Variants in GPC5 observed in about 807,000 individuals in gnomAD.
GPC5 encodes the protein glypican-5.
In GPC5, 47 loss-of-function variants were observed where a neutral mutation model predicts 53.9. That is an observed-to-expected ratio of 0.87 (90% CI 0.69 to 1.11). The LOEUF (loss-of-function observed/expected upper bound fraction) is 1.11, where lower values mean the gene tolerates loss of function less well. GPC5 is among the 50% of genes most tolerant of loss of function. The pLI is 0.00. For missense variants in GPC5, 748 were observed against 713.1 expected, an observed-to-expected ratio of 1.05 and a Z score of -0.56; for synonymous variants, 286 against 263.3, an observed-to-expected ratio of 1.09 and a Z score of -0.84.
chr13:91,421,482 T>A (rs1247947859), intron 1 of GPC5, among the ~76,000 whole-genome samples: 1 of 152,190 alleles, frequency 6.6e-6, no homozygotes, highest in Non-Finnish European at 1.5e-5. Context: ...CTTTTTTTCC[T>A]TCCTCATCCT....
chr13:91,881,099 C>A lies in GPC5; in HGVS notation c.1281-26838C>A, dbSNP rs185546599. Among the ~76,000 whole-genome samples, 634 of 151,916 alleles carry A rather than the reference C, an allele frequency of 4.2e-3. 3 individuals carry two copies. Among genetic ancestry groups the A allele is most frequent in the African/African-American group, 0.014 (599 of 41,434 alleles). On this transcript the variant is annotated intron_variant, in intron 5 of 7. Transcript: ENST00000377067. Reference sequence around the variant, plus strand: ...AGCCACTGCACCCGGCCTATAGTAACTTTTTTTTAATAGGTTGTGGTGGAC... The same window carrying A: ...AGCCACTGCACCCGGCCTATAGTAAATTTTTTTTAATAGGTTGTGGTGGAC...
At chr13:91,994,176 A>G (rs1594712034) in intron 6 of GPC5, among the ~76,000 whole-genome samples, 1 of 152,368 alleles carries the variant, frequency 6.6e-6, no homozygotes, top group East Asian at 1.9e-4. Context: ...CTCGAAGAGG[A>G]AAACTGCAAG....
At chr13:92,009,297 A>T (rs1462719599) in intron 6 of GPC5, among the ~76,000 whole-genome samples, 1 of 92,498 alleles carries the variant, frequency 1.1e-5, no homozygotes, top group South Asian at 5.1e-4. Flanking sequence ...TCAATATGGG[A>T]TGGATTTTGT....
At chr13:91,856,464 T>C (rs1369271528) in intron 5 of GPC5, among the ~76,000 whole-genome samples, 1 of 151,616 alleles carries the variant, frequency 6.6e-6, no homozygotes, top group Non-Finnish European at 1.5e-5. Flanking sequence ...GAGTTGTTCA[T>C]CGTATGTTCA....
Position 91,937,839 on chromosome 13 carries a change from C to G in GPC5, c.1401+29782C>G, listed in dbSNP as rs535911802. On this transcript the variant is annotated intron_variant, in intron 6 of 7. Transcript: ENST00000377067. ...TAAGACATTTTATTATCTAGAGAGG[C>G]GCAGAAGTCTAAGCACCCTTCATTT... Among the ~76,000 whole-genome samples, 7 of 152,026 alleles carry G rather than the reference C, an allele frequency of 4.6e-5. No homozygotes were observed. The South Asian group carries it at 1.4e-3, about 31-fold the overall frequency.
At chr13:92,693,354 T>A (rs531426853) in intron 7 of GPC5, among the ~76,000 whole-genome samples, 3 of 152,060 alleles carry the variant, frequency 2.0e-5, no homozygotes, top group African/African-American at 7.2e-5. Context: ...GATAGGAGGA[T>A]GTGGGAAAAT....
At chr13:91,641,008 T>C in intron 2 of GPC5, among the ~76,000 whole-genome samples, 1 of 152,072 alleles carries the variant, frequency 6.6e-6, no homozygotes, top group Non-Finnish European at 1.5e-5. Flanking sequence ...GCCATTATCC[T>C]CAGCAAACTA....
intron 7 of GPC5, among the ~76,000 whole-genome samples, chr13:92,402,934 C>T (rs1875625143): frequency 6.6e-6 from 1 of 152,160 alleles, no homozygotes; most frequent in Non-Finnish European, 1.5e-5. Flanking sequence ...GGCAGCATAG[C>T]TCTGCTTGTT....
intron 7 of GPC5, among the ~76,000 whole-genome samples, chr13:92,298,552 C>G (rs1470382777): frequency 6.6e-6 from 1 of 152,150 alleles, no homozygotes; most frequent in Non-Finnish European, 1.5e-5. Context: ...TAACTCAGCT[C>G]GAGGTACAGT....
chr13:92,094,452 C>T (rs1486708705), intron 6 of GPC5, among the ~76,000 whole-genome samples: 5 of 130,202 alleles, frequency 3.8e-5, no homozygotes, highest in African/African-American at 1.2e-4. Flanking sequence ...ACCTGGGAGG[C>T]GGAGCTTGCA....
chr13:91,725,657 G>A (rs951916472), intron 3 of GPC5, among the ~76,000 whole-genome samples: 2 of 151,998 alleles, frequency 1.3e-5, no homozygotes, highest in African/African-American at 4.8e-5. Context: ...AAAAATAATT[G>A]CAAAGATGAT....
At chr13:92,552,000 T>G (rs1882334474) in intron 7 of GPC5, among the ~76,000 whole-genome samples, 1 of 151,956 alleles carries the variant, frequency 6.6e-6, no homozygotes, top group African/African-American at 2.4e-5. Context: ...AGCACTTCTC[T>G]GAGATGTTAC....
intron 3 of GPC5, among the ~76,000 whole-genome samples, chr13:91,695,305 T>C (rs1281177963): frequency 6.6e-6 from 1 of 152,182 alleles, no homozygotes; most frequent in African/African-American, 2.4e-5. Flanking sequence ...ATGACTGCTG[T>C]GGTTTCAAGT....
chr13:92,427,456 T>C (rs1382222829), intron 7 of GPC5, among the ~76,000 whole-genome samples: 1 of 126,822 alleles, frequency 7.9e-6, no homozygotes. Flanking sequence ...AAATCTTAAA[T>C]GGCTCTGCAG....
At chr13:91,769,824 C>T (rs2037589850) in intron 5 of GPC5, among the ~76,000 whole-genome samples, 1 of 152,114 alleles carries the variant, frequency 6.6e-6, no homozygotes. Context: ...ATTCTGTGAC[C>T]AGAAGTGTGG....
intron 7 of GPC5, among the ~76,000 whole-genome samples, chr13:92,473,991 G>A (rs1006708713): frequency 6.6e-6 from 1 of 152,130 alleles, no homozygotes; most frequent in Non-Finnish European, 1.5e-5. Flanking sequence ...TTGACAAAAG[G>A]CAGAGCTGAG....
At chr13:92,214,197 T>A (rs2042394681) in intron 7 of GPC5, among the ~76,000 whole-genome samples, 1 of 152,168 alleles carries the variant, frequency 6.6e-6, no homozygotes, top group Non-Finnish European at 1.5e-5. Context: ...AAGTATAAAT[T>A]TTTTTCTATA....
At chr13:92,754,921 C>T (rs1228805952) in intron 7 of GPC5, among the ~76,000 whole-genome samples, 43 of 150,382 alleles carry the variant, frequency 2.9e-4, no homozygotes, top group Middle Eastern at 3.4e-3. Flanking sequence ...GACAGATCAA[C>T]GAGACAGAAA....
intron 6 of GPC5, among the ~76,000 whole-genome samples, chr13:91,932,612 T>G (rs1329893769): frequency 6.6e-6 from 1 of 152,030 alleles, no homozygotes; most frequent in Non-Finnish European, 1.5e-5. Context: ...GGGCTTAACA[T>G]TTTAAAGTCT....
Sources: allele counts gnomAD v4.1 joint callset (sites outside exome capture counted in the v4.1 genomes callset), GRCh38; gene constraint gnomAD v4.1.1; transcripts MANE v1.5; gene names NCBI Gene and HGNC (gene_info 2026-07-23, HGNC 2026-07-21).